The following POLR2B variants were observed in gnomAD, a reference collection of about 807,000 sequenced individuals.
POLR2B encodes RNA polymerase II subunit B.
A neutral mutation model predicts 144.6 loss-of-function variants in POLR2B; 57 were observed. That is an observed-to-expected ratio of 0.39 (90% CI 0.32 to 0.49). The LOEUF (loss-of-function observed/expected upper bound fraction) is 0.49, where lower values mean the gene tolerates loss of function less well. Among genes scored for constraint, POLR2B ranks in the 20% least tolerant of loss-of-function variants. The probability of loss-of-function intolerance (pLI) is 0.83; values close to 1 mark genes in which losing one functional copy is unlikely to be tolerated. For missense variants in POLR2B, 595 were observed against 1,467.4 expected (o/e 0.41, Z 9.71); for synonymous variants, 442 against 469.8 (o/e 0.94, Z 0.77).
intron 18 of POLR2B, among the ~76,000 whole-genome samples, chr4:57,022,621 A>T (rs1221541889): frequency 6.6e-6 from 1 of 152,208 alleles, no homozygotes; most frequent in Non-Finnish European, 1.5e-5. Flanking sequence ...GTAAACATTT[A>T]AAAAATAACC....
rs750818877 is a variant in POLR2B at position 56,999,077 on chromosome 4, AAAG to A, written c.736-536_736-534del. ...CAATTAAAGAGGGAGAAATTGGAAAAAAGAAGCTGTGTGAAAGGGGCTGTTAGT... is the reference window on the plus strand; with the variant it reads ...CAATTAAAGAGGGAGAAATTGGAAAAAAGCTGTGTGAAAGGGGCTGTTAGT... On this transcript the variant is annotated intron_variant, in intron 6 of 24. Coordinates refer to ENST00000314595, the MANE Select transcript of POLR2B (RefSeq NM_000938.3). Among the ~76,000 whole-genome samples, 75 of 152,324 alleles carry A rather than the reference AAAG, an allele frequency of 4.9e-4. 1 individual carries two copies. The highest frequency in any genetic ancestry group is 3.1e-3 in the Admixed American group (48 of 15,300).
rs775993318 is a variant in POLR2B, at chr4:57,030,873, A to C, written c.3436-26A>C. On this transcript the variant is annotated intron_variant, in intron 24 of 24. Coordinates refer to ENST00000314595, the MANE Select transcript of POLR2B (RefSeq NM_000938.3). Reference sequence around the variant, plus strand: ...GGGGTCACTTCAATACAATTCTGCTAATTACCATTTGTTTTTTCTTTTCAG... The same window carrying C: ...GGGGTCACTTCAATACAATTCTGCTCATTACCATTTGTTTTTTCTTTTCAG... The C allele has an allele frequency of 1.0e-5, 14 of 1,394,808 alleles. No individual in the cohort carries two copies. In the East Asian group the frequency reaches 2.7e-4, roughly 27 times the overall value. 86.4% of individuals were successfully genotyped at this position (1,394,808 alleles called of 1,614,324 possible).
intron 3 of POLR2B, among the ~76,000 whole-genome samples, chr4:56,992,623 G>A (rs1423707361): frequency 2.7e-5 from 4 of 146,804 alleles, no homozygotes; most frequent in East Asian, 2.1e-4. Flanking sequence ...GCAGTGGCGC[G>A]ATCTCGGCTC....
In POLR2B at chr4:56,994,874, A is replaced by G. The variant is rs747215044; in HGVS notation, c.576+8A>G. ...ATTAATGGATCAGAAAAGGTATAGTAACATTATTTTAAAAAATTACAAAAT... is the reference window on the plus strand; with the variant it reads ...ATTAATGGATCAGAAAAGGTATAGTGACATTATTTTAAAAAATTACAAAAT... On this transcript the variant is annotated splice_region_variant and intron_variant, in intron 5 of 24. Coordinates refer to ENST00000314595, the MANE Select transcript of POLR2B (RefSeq NM_000938.3). The G allele has an allele frequency of 7.0e-7, 1 of 1,434,830 alleles. No homozygotes were observed. Among genetic ancestry groups the G allele is most frequent in the African/African-American group, 1.4e-5 (1 of 70,054 alleles). 88.9% of individuals were successfully genotyped at this position (1,434,830 alleles called of 1,614,324 possible). A position where few individuals can be genotyped will look rare whatever the true frequency, so the allele number is the denominator to read the frequency against.
At chr4:57,020,822 TA>T in intron 16 of POLR2B, 76 bp from the exon 17 acceptor site, 1 of 823,934 alleles carries the variant, frequency 1.2e-6, no homozygotes, top group Non-Finnish European at 2.2e-6. Context: ...ATGATGTAAT[TA>T]AAGTTGATTT....
chr4:57,010,372 C>A lies in POLR2B; in HGVS notation c.1416C>A (p.Arg472=), dbSNP rs768094179. 3.5e-5 allele frequency: 57 copies of A among 1,613,632 alleles called. 1 individual carries two copies. In the South Asian group the frequency reaches 6.2e-4, roughly 17 times the overall value. The change falls in exon 11 of 25, where the codon CGC becomes CGA. Residue 472 remains arginine (R), a synonymous_variant. Transcript: ENST00000314595. ...ARAGVSQVLN[R]LTFASTLSHL... ...CTATTTTTTTCTAGGTGTTAAACCG[C>A]CTGACTTTTGCGTCTACTCTTTCTC...
At chr4:57,004,356 T>A (rs1176225110) in intron 7 of POLR2B, among the ~76,000 whole-genome samples, 2 of 136,088 alleles carry the variant, frequency 1.5e-5, no homozygotes, top group Admixed American at 7.5e-5. Flanking sequence ...GCAAATCTTT[T>A]TTTTTTTTTT....
Position 57,025,467 on chromosome 4 carries a change from G to A in POLR2B, c.3169G>A (p.Asp1057Asn). ...YYQRLKHMVD[D>N]KIHSRARGPI... ...CCAGCGTTTGAAGCATATGGTGGAT[G>A]ATAAGATTCACTCTCGTGCTAGGGG... Residue 1057 changes from aspartate (D) to asparagine (N), a missense_variant, in exon 23 of 25, where the codon GAT becomes AAT. By Grantham distance (23) the Asp-to-Asn change is conservative. Around this residue, in one of 9 missense-constraint regions of POLR2B, gnomAD observed 65 missense variants for 282.8 expected, o/e 0.23. Transcript: ENST00000314595. The A allele has an allele frequency of 6.2e-7, 1 of 1,611,054 alleles. No homozygotes were observed. Among genetic ancestry groups the A allele is most frequent in the Non-Finnish European group, 8.5e-7 (1 of 1,177,202 alleles).
rs1722683258 is a variant in POLR2B, at chr4:56,996,276, ATATTTTTTT to A, written c.735+869_735+877del. ...TGTGTGTGTGTGTATATATATATAT[ATATTTTTTT>A]TTTTTTTTTTTTTTGAGACGGAGTC... On this transcript the variant is annotated intron_variant, in intron 6 of 24. Coordinates refer to ENST00000314595, the MANE Select transcript of POLR2B (RefSeq NM_000938.3). 7.0e-5 allele frequency among the ~76,000 whole-genome samples: 6 copies of A among 85,582 alleles called. No individual in the cohort carries two copies. The East Asian group carries it at 2.1e-3, about 30-fold the overall frequency. 56.1% of individuals were successfully genotyped at this position (85,582 alleles called of 152,430 possible).
intron 23 of POLR2B, among the ~76,000 whole-genome samples, chr4:57,029,258 C>G (rs1256069488): frequency 2.0e-5 from 3 of 152,122 alleles, no homozygotes; most frequent in Non-Finnish European, 4.4e-5. Context: ...CCAACTGATA[C>G]CATTCTATTT....
At chr4:57,019,370 A>G (rs1192127453) in intron 16 of POLR2B, among the ~76,000 whole-genome samples, 4 of 151,714 alleles carry the variant, frequency 2.6e-5, no homozygotes, top group African/African-American at 9.7e-5. Flanking sequence ...CTTTATTTTG[A>G]AATTCTTTTT....
intron 10 of POLR2B, among the ~76,000 whole-genome samples, chr4:57,008,289 G>A (rs1219706246): frequency 6.8e-6 from 1 of 148,110 alleles, no homozygotes; most frequent in Non-Finnish European, 1.5e-5. Context: ...TGCAAGCTCT[G>A]CCTTCTGGGT....
chr4:57,028,371 C>T (rs919642799), intron 23 of POLR2B, among the ~76,000 whole-genome samples: 5 of 152,132 alleles, frequency 3.3e-5, no homozygotes, highest in African/African-American at 1.2e-4. Context: ...TGGGCTCAAT[C>T]CAGCCTCTCA....
chr4:56,994,930 GAAAAAAAA>G (rs41560115), intron 5 of POLR2B, 64 bp downstream of exon 5: 196,487 of 729,044 alleles, frequency 0.27, 28,227 homozygotes, highest in Middle Eastern at 0.33. Context: ...AAGTTGAAAT[GAAAAAAAA>G]AAAAAAAAGA....
At chr4:56,984,108 GC>G (rs79184222) in intron 1 of POLR2B, among the ~76,000 whole-genome samples, 21,858 of 151,812 alleles carry the variant, frequency 0.14, 1,878 homozygotes, top group East Asian at 0.4. Flanking sequence ...CAAGTGATCT[GC>G]CTGCCTCGGC....
chr4:57,024,743 A>C, intron 21 of POLR2B, 143 bp from the exon 22 acceptor site: 1 of 569,530 alleles, frequency 1.8e-6, no homozygotes, highest in Admixed American at 3.6e-5. Context: ...TGAGTTCAAA[A>C]TCTTTGAATT....
rs773346323 is a variant in POLR2B at position 57,030,216 on chromosome 4, G to A, written c.3252G>A (p.Leu1084=). The change falls in exon 24 of 25, where the codon CTG becomes CTA. Residue 1084 remains leucine (L), a synonymous_variant. Transcript: ENST00000314595. Reference sequence around the variant, plus strand: ...TTTCTCTTAACAGTGATGGTGGCCTGCGTTTTGGAGAAATGGAACGAGATT... The same window carrying A: ...TTTCTCTTAACAGTGATGGTGGCCTACGTTTTGGAGAAATGGAACGAGATT... ...PMEGRSRDGG[L]RFGEMERDCQ... 12 of 1,613,780 alleles carry A rather than the reference G, an allele frequency of 7.4e-6. No homozygotes were observed. The Admixed American group carries it at 2.0e-4, about 27-fold the overall frequency.
intron 23 of POLR2B, among the ~76,000 whole-genome samples, chr4:57,028,228 G>A (rs1723787280): frequency 6.6e-6 from 1 of 152,164 alleles, no homozygotes; most frequent in African/African-American, 2.4e-5. Flanking sequence ...TCAGAATCAT[G>A]CAAGTGCTTT....
chr4:57,029,356 T>C (rs1578598213), intron 23 of POLR2B, among the ~76,000 whole-genome samples: 1 of 152,234 alleles, frequency 6.6e-6, no homozygotes, highest in Non-Finnish European at 1.5e-5. Context: ...GTAGTTCTTA[T>C]AGTAAGGGCA....
Sources: gnomAD v4.1 joint callset for allele counts (sites outside exome capture counted in the v4.1 genomes callset) on GRCh38, gnomAD v4.1.1 for gene constraint, gnomAD v4.1.1 regional missense constraint, MANE v1.5 for transcripts, NCBI Gene and HGNC (gene_info 2026-07-23, HGNC 2026-07-21) for gene names.